UBE2H: variants seen among roughly 807,000 people sequenced by gnomAD.
UBE2H encodes ubiquitin-conjugating enzyme E2 H.
UBE2H carries 3 observed loss-of-function variants against 29.0 expected under a neutral mutation model. The observed-to-expected ratio is 0.10, with a 90% CI of 0.05 to 0.27. The LOEUF (loss-of-function observed/expected upper bound fraction) is 0.27. UBE2H is among the 10% of genes least tolerant of loss of function. The probability of loss-of-function intolerance (pLI) is 1.00; values close to 1 mark genes in which losing one functional copy is unlikely to be tolerated. For synonymous variants in UBE2H, 69 were observed against 82.9 expected (o/e 0.83, Z 0.91); for missense variants, 68 against 228.2 (o/e 0.30, Z 4.52).
At chr7:129,856,470 A>G (rs1256526510) in intron 5 of UBE2H, among the ~76,000 whole-genome samples, 1 of 152,208 alleles carries the variant, frequency 6.6e-6, no homozygotes, top group African/African-American at 2.4e-5. Context: ...GTAGCACAAA[A>G]AAATAGGCAT....
chr7:129,891,589 G>T (rs963487702), intron 1 of UBE2H, among the ~76,000 whole-genome samples: 8 of 152,040 alleles, frequency 5.3e-5, no homozygotes, highest in African/African-American at 1.9e-4. Context: ...GGATCATGAG[G>T]TCAGGAGTTC....
intron 5 of UBE2H, among the ~76,000 whole-genome samples, chr7:129,854,500 T>C (rs919105381): frequency 2.6e-5 from 4 of 152,232 alleles, no homozygotes; most frequent in African/African-American, 9.6e-5. Context: ...ACATGTTCAG[T>C]AACTCATACA....
chr7:129,857,603 G>C (rs1465678586), intron 4 of UBE2H, 40 bp from the exon 5 acceptor site: 1 of 1,597,694 alleles, frequency 6.3e-7, no homozygotes, highest in South Asian at 1.1e-5. Flanking sequence ...TTAAAAATTA[G>C]AAAGTTAGTT....
chr7:129,895,208 G>A (rs1193983195), intron 1 of UBE2H, among the ~76,000 whole-genome samples: 2 of 152,164 alleles, frequency 1.3e-5, no homozygotes, highest in South Asian at 2.1e-4. Context: ...GTCCCAAGTG[G>A]CATTTAGTTA....
chr7:129,921,485 G>T (rs1807161086), intron 1 of UBE2H, among the ~76,000 whole-genome samples: 1 of 152,002 alleles, frequency 6.6e-6, no homozygotes, highest in Non-Finnish European at 1.5e-5. Context: ...ATGACTTGAG[G>T]TCAGGCGTTC....
chr7:129,891,888 AGTGTGT>A (rs35586367), intron 1 of UBE2H, among the ~76,000 whole-genome samples: 6 of 150,156 alleles, frequency 4.0e-5, no homozygotes, highest in African/African-American at 7.3e-5. Context: ...TTATAAATGT[AGTGTGT>A]GTGTGTGTTA....
At chr7:129,875,007 A>G (rs1806119364) in intron 3 of UBE2H, among the ~76,000 whole-genome samples, 1 of 152,222 alleles carries the variant, frequency 6.6e-6, no homozygotes, top group Admixed American at 6.5e-5. Flanking sequence ...GTCCTGAGCA[A>G]GCTACCACAG....
intron 1 of UBE2H, among the ~76,000 whole-genome samples, chr7:129,882,061 C>G (rs1806267108): frequency 6.6e-6 from 1 of 152,196 alleles, no homozygotes; most frequent in African/African-American, 2.4e-5. Context: ...GGGCTCTAAT[C>G]ACAGAGGGGT....
At chr7:129,896,300 G>A (rs2116410637) in intron 1 of UBE2H, among the ~76,000 whole-genome samples, 1 of 151,980 alleles carries the variant, frequency 6.6e-6, no homozygotes, top group South Asian at 2.1e-4. Context: ...TCACACCACT[G>A]CACACCAGCC....
At chr7:129,932,705 C>T (rs916850597) in intron 1 of UBE2H, among the ~76,000 whole-genome samples, 5 of 137,134 alleles carry the variant, frequency 3.6e-5, no homozygotes, top group South Asian at 5.0e-4. Context: ...ACCCGGAAGG[C>T]GGAGGTTGCA....
At chr7:129,945,795 C>T (rs1457073815) in intron 1 of UBE2H, among the ~76,000 whole-genome samples, 1 of 151,860 alleles carries the variant, frequency 6.6e-6, no homozygotes, top group East Asian at 1.9e-4. Context: ...GGCTGGAGTG[C>T]AATGGCGCAA....
At chr7:129,889,322 T>C (rs767575984) in intron 1 of UBE2H, among the ~76,000 whole-genome samples, 1 of 152,216 alleles carries the variant, frequency 6.6e-6, no homozygotes. Context: ...ACATGAATCA[T>C]GGGACATTAA....
intron 1 of UBE2H, among the ~76,000 whole-genome samples, chr7:129,900,967 G>A (rs1806701932): frequency 1.3e-5 from 2 of 152,020 alleles, no homozygotes; most frequent in Non-Finnish European, 2.9e-5. Flanking sequence ...AGCCAGGATG[G>A]TCTCCATCTC....
chr7:129,916,910 G>A (rs759144373), intron 1 of UBE2H, among the ~76,000 whole-genome samples: 98 of 152,028 alleles, frequency 6.4e-4, no homozygotes, highest in Non-Finnish European at 1.1e-3. Flanking sequence ...GGTGGCGGGC[G>A]CCTGTAGTCC....
intron 5 of UBE2H, among the ~76,000 whole-genome samples, chr7:129,847,329 C>T (rs903732939): frequency 6.6e-5 from 10 of 152,158 alleles, no homozygotes; most frequent in South Asian, 2.1e-4. Flanking sequence ...CATGAGCCAC[C>T]GCGCCTGGCC....
intron 6 of UBE2H, among the ~76,000 whole-genome samples, chr7:129,836,962 G>A (rs902859998): frequency 1.3e-5 from 2 of 150,136 alleles, no homozygotes; most frequent in African/African-American, 2.4e-5. Flanking sequence ...AGCCCTGAAT[G>A]GCAGGCAAAG....
intron 5 of UBE2H, among the ~76,000 whole-genome samples, chr7:129,854,918 G>GAA (rs1375063202): frequency 2.1e-5 from 3 of 145,646 alleles, no homozygotes; most frequent in South Asian, 2.2e-4. Context: ...TATGCAAAGT[G>GAA]AAAAAAAAAA....
chr7:129,850,897 G>A (rs1584743211), intron 5 of UBE2H, among the ~76,000 whole-genome samples: 1 of 151,592 alleles, frequency 6.6e-6, no homozygotes, highest in African/African-American at 2.4e-5. Flanking sequence ...AGGAGAGAGA[G>A]AGAAAGAAAG....
At chr7:129,862,284 A>G (rs1274875963) in intron 3 of UBE2H, among the ~76,000 whole-genome samples, 1 of 152,252 alleles carries the variant, frequency 6.6e-6, no homozygotes, top group African/African-American at 2.4e-5. Context: ...TGCCTCTGTG[A>G]GAACTCTCAA....
Sources: gnomAD v4.1 joint callset for allele counts (sites outside exome capture counted in the v4.1 genomes callset) on GRCh38, gnomAD v4.1.1 for gene constraint, MANE v1.5 for transcripts, NCBI Gene and HGNC (gene_info 2026-07-23, HGNC 2026-07-21) for gene names.